The following ISOC1 variants were observed in gnomAD, a reference collection of about 807,000 sequenced individuals.
The protein encoded by ISOC1 is isochorismatase domain-containing protein 1.
A neutral mutation model predicts 30.0 loss-of-function variants in ISOC1; 33 were observed. The observed-to-expected ratio is 1.10, with a 90% CI of 0.83 to 1.47. ISOC1 has a LOEUF of 1.47. ISOC1 is among the 40% of genes most tolerant of loss of function. ISOC1 has a pLI of 0.00. For synonymous variants in ISOC1, 178 were observed against 159.8 expected, an observed-to-expected ratio of 1.11 and a Z score of -0.86; for missense variants, 372 against 388.0, an observed-to-expected ratio of 0.96 and a Z score of 0.35.
chr5:129,109,112 T>C (rs1580789824), intron 4 of ISOC1, among the ~76,000 whole-genome samples: 1 of 152,244 alleles, frequency 6.6e-6, no homozygotes, highest in East Asian at 1.9e-4. Context: ...AAAATTTTGA[T>C]TGGCAATTCT....
intron 1 of ISOC1, among the ~76,000 whole-genome samples, chr5:129,096,072 T>C (rs1213728444): frequency 6.6e-6 from 1 of 152,222 alleles, no homozygotes; most frequent in East Asian, 1.9e-4. Context: ...TTGTTTTTAG[T>C]TTTTATGGGC....
Position 129,112,902 on chromosome 5 carries a change from G to A in ISOC1, c.798G>A (p.Leu266=). The part of the protein sequence containing the change: ...GIIVTTSEAV[L]LQLVADKDHP... ...TAGTGACCACGAGTGAGGCTGTTCT[G>A]CTTCAGCTGGTAGCTGATAAGGACC... Residue 266 remains leucine (L), a synonymous_variant, in exon 5 of 5, where the codon CTG becomes CTA. Coordinates refer to ENST00000173527, the MANE Select transcript of ISOC1 (RefSeq NM_016048.2). 2 of 1,613,798 alleles carry A rather than the reference G, an allele frequency of 1.2e-6. No individual in the cohort carries two copies. Among genetic ancestry groups the A allele is most frequent in the Non-Finnish European group, 1.7e-6 (2 of 1,179,768 alleles).
In ISOC1 at chr5:129,106,003, T is replaced by A. The variant is rs1018497064; in HGVS notation, c.633+615T>A. 8.5e-5 allele frequency among the ~76,000 whole-genome samples: 13 copies of A among 152,204 alleles called. 1 individual carries two copies. Among genetic ancestry groups the A allele is most frequent in the Non-Finnish European group, 1.8e-4 (12 of 68,028 alleles). ...TAATGTGATTATGACAATTTGAAGGTAACTTTTATAGTAGTAGGTTTTAAC... is the reference window on the plus strand; with the variant it reads ...TAATGTGATTATGACAATTTGAAGGAAACTTTTATAGTAGTAGGTTTTAAC... On this transcript the variant is annotated intron_variant, in intron 3 of 4. Coordinates refer to ENST00000173527, the MANE Select transcript of ISOC1 (RefSeq NM_016048.2).
chr5:129,107,991 A>G (rs766050516), intron 4 of ISOC1, among the ~76,000 whole-genome samples: 1 of 151,286 alleles, frequency 6.6e-6, no homozygotes, highest in South Asian at 2.1e-4. Context: ...TTGTCGTTTG[A>G]TCTCTCTCTC....
At chr5:129,106,873 ATGT>A (rs1753643837) in intron 3 of ISOC1, 70 bp from the exon 4 acceptor site, 4 of 1,030,674 alleles carry the variant, frequency 3.9e-6, no homozygotes, top group African/African-American at 1.6e-5. Flanking sequence ...CTGCTTTATC[ATGT>A]TGTTGTACAT....
intron 4 of ISOC1, among the ~76,000 whole-genome samples, chr5:129,111,845 A>G (rs559914250): frequency 1.5e-4 from 23 of 152,216 alleles, no homozygotes; most frequent in African/African-American, 5.5e-4. Context: ...GCAGTTTGGC[A>G]AGGATATTCT....
intron 1 of ISOC1, 51 bp downstream of exon 1, chr5:129,095,126 C>G (rs1252369319): frequency 6.8e-7 from 1 of 1,475,158 alleles, no homozygotes; most frequent in African/African-American, 1.4e-5. Context: ...TCGTCCCCGT[C>G]CCCGTCCCTG....
At chr5:129,106,691 T>C (rs1383971506) in intron 3 of ISOC1, among the ~76,000 whole-genome samples, 1 of 152,228 alleles carries the variant, frequency 6.6e-6, no homozygotes, top group Non-Finnish European at 1.5e-5. Context: ...TGTAAAACTC[T>C]AAGAATATGT....
chr5:129,107,568 C>T (rs1026454999), intron 4 of ISOC1, among the ~76,000 whole-genome samples: 3 of 152,122 alleles, frequency 2.0e-5, no homozygotes, highest in African/African-American at 7.2e-5. Flanking sequence ...GGCAGAATAA[C>T]ATCTATTTAC....
chr5:129,103,946 T>C (rs1580787876), intron 1 of ISOC1, among the ~76,000 whole-genome samples: 1 of 152,286 alleles, frequency 6.6e-6, no homozygotes, highest in East Asian at 1.9e-4. Context: ...CCTCAGACTT[T>C]TAAGAATCCA....
intron 2 of ISOC1, 52 bp downstream of exon 2, chr5:129,105,127 A>T (rs772761974): frequency 6.2e-7 from 1 of 1,608,894 alleles, no homozygotes; most frequent in Non-Finnish European, 8.5e-7. Context: ...ATATACACTC[A>T]TATATACACA....
rs543025783 is a variant in ISOC1 at position 129,107,538 on chromosome 5, AAAT to A, written c.750+479_750+481del. Reference sequence around the variant, plus strand: ...ATAAAAAATAACATCACAACAATAAAAATAAAAATAGAATGATAGGGCAGAATA... The same window carrying A: ...ATAAAAAATAACATCACAACAATAAAAAAAATAGAATGATAGGGCAGAATA... On this transcript the variant is annotated intron_variant, in intron 4 of 4. Transcript: ENST00000173527. Among the ~76,000 whole-genome samples, 53 of 152,292 alleles carry A rather than the reference AAAT, an allele frequency of 3.5e-4. 1 individual carries two copies. The South Asian group carries it at 0.01, about 29-fold the overall frequency.
chr5:129,105,121 A>G, intron 2 of ISOC1, 46 bp downstream of exon 2: 1 of 1,613,306 alleles, frequency 6.2e-7, no homozygotes, highest in African/African-American at 1.3e-5. Flanking sequence ...ATCATCATAT[A>G]CACTCATATA....
Position 129,101,192 on chromosome 5 carries a change from A to AATATATATATATAT in ISOC1, c.310-3761_310-3748dup, listed in dbSNP as rs1554064628. 4.1e-3 allele frequency among the ~76,000 whole-genome samples: 173 copies of AATATATATATATAT among 42,206 alleles called. 6 individuals are homozygous for AATATATATATATAT. Among genetic ancestry groups the AATATATATATATAT allele is most frequent in the Admixed American group, 0.02 (62 of 3,058 alleles). 27.7% of individuals were successfully genotyped at this position (42,206 alleles called of 152,430 possible). ...AAAAAAAAAAAAAAAAAAAAAAAAA[A>AATATATATATATAT]ATATATATATATATATGGTTGGGTT... On this transcript the variant is annotated intron_variant, in intron 1 of 4. Transcript: ENST00000173527.
At chr5:129,107,099 T>G in intron 4 of ISOC1, 37 bp downstream of exon 4, 1 of 1,494,662 alleles carries the variant, frequency 6.7e-7, no homozygotes, top group Non-Finnish European at 9.3e-7. Flanking sequence ...ATTTGTCAAG[T>G]TTTCCAAATA....
At chr5:129,106,487 T>G (rs1417591055) in intron 3 of ISOC1, among the ~76,000 whole-genome samples, 1 of 152,208 alleles carries the variant, frequency 6.6e-6, no homozygotes, top group African/African-American at 2.4e-5. Flanking sequence ...GGCCTACCTT[T>G]ACTACAGAGT....
chr5:129,095,589 G>GTCCT (rs1232455508), intron 1 of ISOC1, among the ~76,000 whole-genome samples: 1 of 152,206 alleles, frequency 6.6e-6, no homozygotes, highest in Admixed American at 6.5e-5. Flanking sequence ...AGGCTCTCAG[G>GTCCT]TCCTTGGGCT....
intron 4 of ISOC1, among the ~76,000 whole-genome samples, chr5:129,111,593 A>G (rs115644611): frequency 6.6e-6 from 1 of 152,180 alleles, no homozygotes; most frequent in African/African-American, 2.4e-5. Flanking sequence ...CTTTTTACAT[A>G]TATGCTTTTT....
chr5:129,106,356 C>T (rs575258076), intron 3 of ISOC1, among the ~76,000 whole-genome samples: 1 of 152,270 alleles, frequency 6.6e-6, no homozygotes, highest in African/African-American at 2.4e-5. Flanking sequence ...TGTTTTCACT[C>T]TATAGTATCT....
Sources: gnomAD v4.1 joint callset for allele counts (sites outside exome capture counted in the v4.1 genomes callset) on GRCh38, gnomAD v4.1.1 for gene constraint, MANE v1.5 for transcripts, NCBI Gene and HGNC (gene_info 2026-07-23, HGNC 2026-07-21) for gene names.